The following LRRC2 variants were observed in gnomAD, a reference collection of about 807,000 sequenced individuals.
LRRC2 encodes leucine rich repeat containing 2, also known as leucine-rich repeat-containing protein 2.
Under a neutral mutation model 40.2 loss-of-function variants are expected in LRRC2, and 27 were observed. The observed-to-expected ratio is 0.67, with a 90% CI of 0.49 to 0.93. LRRC2 has a LOEUF of 0.93. LRRC2 is among the 40% of genes least tolerant of loss of function. The probability of loss-of-function intolerance (pLI) is 0.00; values close to 1 mark genes in which losing one functional copy is unlikely to be tolerated. For missense variants in LRRC2, 402 were observed against 439.6 expected, an observed-to-expected ratio of 0.91 and a Z score of 0.76; for synonymous variants, 147 against 158.9, an observed-to-expected ratio of 0.92 and a Z score of 0.56.
intron 5 of LRRC2, among the ~76,000 whole-genome samples, chr3:46,531,151 A>AT (rs11359778): frequency 2.2e-3 from 305 of 139,018 alleles, no homozygotes; most frequent in African/African-American, 3.4e-3. Flanking sequence ...TTATAGTTAG[A>AT]TTTTTTTTTT....
Position 46,519,006 on chromosome 3 carries a change from G to A in LRRC2, c.*8C>T, listed in dbSNP as rs1218702550. ...AGAATAGTGAGATTTGCAGTCTTCTGATGGATATCAAAGTTGAAGGCTAAA... is the reference window on the plus strand; with the variant it reads ...AGAATAGTGAGATTTGCAGTCTTCTAATGGATATCAAAGTTGAAGGCTAAA... On this transcript the variant is annotated 3_prime_UTR_variant, in exon 9 of 9. Coordinates refer to ENST00000395905, the MANE Select transcript of LRRC2 (RefSeq NM_024512.5). 1 of 1,578,530 alleles carries A rather than the reference G, an allele frequency of 6.3e-7. No individual in the cohort carries two copies. Among genetic ancestry groups the A allele is most frequent in the Non-Finnish European group, 8.7e-7 (1 of 1,147,934 alleles).
chr3:46,561,438 A>C (rs1429603226), intron 1 of LRRC2, among the ~76,000 whole-genome samples: 1 of 152,176 alleles, frequency 6.6e-6, no homozygotes, highest in Non-Finnish European at 1.5e-5. Context: ...CTGTGGTCCC[A>C]GCTACTAAGG....
chr3:46,563,818 G>T (rs1209580269), intron 1 of LRRC2, among the ~76,000 whole-genome samples: 1 of 152,138 alleles, frequency 6.6e-6, no homozygotes, highest in African/African-American at 2.4e-5. Context: ...GCATACGATG[G>T]GAACTGGTGG....
At chr3:46,553,187 A>AAG (rs1486888070) in intron 1 of LRRC2, among the ~76,000 whole-genome samples, 5 of 151,768 alleles carry the variant, frequency 3.3e-5, no homozygotes, top group African/African-American at 7.3e-5. Flanking sequence ...CATTGCAAAA[A>AAG]AAAAAAATTG....
Position 46,521,613 on chromosome 3 carries a change from T to G in LRRC2, c.975A>C (p.Glu325Asp). Residue 325 changes from glutamate (E) to aspartate (D), a missense_variant, in exon 8 of 9, where the codon GAA (glutamate) becomes GAC (aspartate). Transcript: ENST00000395905. ...CACTTTCCATTATTTCATTGCCATCTTCACATTGGGCATTATCAATAGGAT... is the reference window on the plus strand; with the variant it reads ...CACTTTCCATTATTTCATTGCCATCGTCACATTGGGCATTATCAATAGGAT... Reference protein sequence around the residue: ...MDNPIDNAQCEDGNEIMESER... With the variant: ...MDNPIDNAQCDDGNEIMESER... The G allele has an allele frequency of 6.2e-7, 1 of 1,613,150 alleles. No individual in the cohort carries two copies. The highest frequency in any genetic ancestry group is 8.5e-7 in the Non-Finnish European group (1 of 1,179,742).
chr3:46,548,406 A>G (rs1575357273), intron 2 of LRRC2, among the ~76,000 whole-genome samples: 1 of 152,194 alleles, frequency 6.6e-6, no homozygotes, highest in East Asian at 1.9e-4. Flanking sequence ...AATATAAACT[A>G]TTTTTTTAAT....
At chr3:46,521,327 G>C (rs971226069) in intron 8 of LRRC2, among the ~76,000 whole-genome samples, 195 bp downstream of exon 8, 21 of 152,230 alleles carry the variant, frequency 1.4e-4, no homozygotes, top group Admixed American at 1.4e-3. Flanking sequence ...GCATTCAAAT[G>C]GACTAGCACA....
rs765476982 is a variant in LRRC2, at chr3:46,521,664, C to A, written c.930-6G>T. The stretch of plus-strand genomic sequence containing the variant: ...TGTCCATAAGGCTTACAAATCTATT[C>A]GAGAAAGCATGGGAAGTATCACATT... On this transcript the variant is annotated splice_polypyrimidine_tract_variant and splice_region_variant and intron_variant, in intron 7 of 8. Coordinates refer to ENST00000395905, the MANE Select transcript of LRRC2 (RefSeq NM_024512.5). The A allele has an allele frequency of 3.7e-6, 6 of 1,604,880 alleles. No individual in the cohort carries two copies. In the South Asian group the frequency reaches 4.5e-5, roughly 12 times the overall value.
intron 4 of LRRC2, among the ~76,000 whole-genome samples, chr3:46,537,714 T>C (rs1704296136): frequency 6.6e-6 from 1 of 152,202 alleles, no homozygotes; most frequent in East Asian, 1.9e-4. Context: ...GAAACAGAAG[T>C]ACTTATCCTT....
In LRRC2 at chr3:46,549,354, G is replaced by A. The variant is rs115224090; in HGVS notation, c.125+2113C>T. Reference sequence around the variant, plus strand: ...ATGATCACAGTATGAATTATATTATGGAAGCTCAAAAACACCTGTAAAGAA... The same window carrying A: ...ATGATCACAGTATGAATTATATTATAGAAGCTCAAAAACACCTGTAAAGAA... On this transcript the variant is annotated intron_variant, in intron 2 of 8. Coordinates refer to ENST00000395905, the MANE Select transcript of LRRC2 (RefSeq NM_024512.5). Among the ~76,000 whole-genome samples, 649 of 152,190 alleles carry A rather than the reference G, an allele frequency of 4.3e-3. 10 individuals are homozygous for A. Among genetic ancestry groups the A allele is most frequent in the African/African-American group, 0.015 (612 of 41,534 alleles).
intron 2 of LRRC2, among the ~76,000 whole-genome samples, chr3:46,549,154 C>A (rs139338024): frequency 5.1e-4 from 78 of 152,272 alleles, no homozygotes; most frequent in East Asian, 5.0e-3. Context: ...GGATGAGATA[C>A]CCTAAAGTGA....
At chr3:46,532,742 G>A (rs1704183571) in intron 5 of LRRC2, 31 bp downstream of exon 5, 4 of 1,602,002 alleles carry the variant, frequency 2.5e-6, no homozygotes, top group Non-Finnish European at 2.6e-6. Flanking sequence ...AAATAAAAGT[G>A]AATCGTAGTA....
chr3:46,555,521 G>A (rs1704772200), intron 1 of LRRC2, among the ~76,000 whole-genome samples: 3 of 151,540 alleles, frequency 2.0e-5, no homozygotes, highest in Admixed American at 2.0e-4. Flanking sequence ...TCTTTGGGTA[G>A]TTTTTTTCTC....
At chr3:46,559,753 G>A (rs546059922) in intron 1 of LRRC2, 1 of 152,268 alleles carries the variant, frequency 6.6e-6, no homozygotes, top group East Asian at 1.9e-4. Flanking sequence ...CAAAGGCCCT[G>A]ACATATTTTT....
rs113859270 is a variant in LRRC2 at position 46,532,835 on chromosome 3, A to G, written c.565T>C (p.Cys189Arg). ...LKSIPPELGDCENLERLDCSG... is the reference protein window; with the variant it reads ...LKSIPPELGDRENLERLDCSG... ...CAATCCAGTCTCTCTAGATTTTCAC[A>G]ATCTCCCAATTCTGGAGGAATGCTC... Residue 189 changes from cysteine to arginine, a missense_variant, in exon 5 of 9, where the codon TGT becomes CGT. Coordinates refer to ENST00000395905, the MANE Select transcript of LRRC2 (RefSeq NM_024512.5). 1 of 1,614,044 alleles carries G rather than the reference A, an allele frequency of 6.2e-7. No individual in the cohort carries two copies. Among genetic ancestry groups the G allele is most frequent in the Non-Finnish European group, 8.5e-7 (1 of 1,179,938 alleles).
intron 3 of LRRC2, among the ~76,000 whole-genome samples, chr3:46,543,844 C>T (rs1704460118): frequency 6.6e-6 from 1 of 151,948 alleles, no homozygotes; most frequent in South Asian, 2.1e-4. Context: ...CAGCCCGTTA[C>T]CTACTGATCT....
At chr3:46,551,206 G>A (rs1239077750) in intron 2 of LRRC2, 3 of 270,506 alleles carry the variant, frequency 1.1e-5, no homozygotes, top group Non-Finnish European at 2.1e-5. Flanking sequence ...TTTACTGTGG[G>A]GGGATTTATC....
chr3:46,517,830 T>C lies in LRRC2; in HGVS notation c.*1184A>G, dbSNP rs1280491712. The C allele has an allele frequency of 6.6e-6, 1 of 152,284 alleles. No homozygotes were observed. Among genetic ancestry groups the C allele is most frequent in the African/African-American group, 2.4e-5 (1 of 41,470 alleles). The allele number at this position is 152,284 out of a possible 1,614,324, so 9.4% of individuals were successfully genotyped here. ...ATTCAAACAGCCCATGGGCTCCCTC[T>C]GGACTGAAGCATCTTTGCTATGGGC... On this transcript the variant is annotated 3_prime_UTR_variant, in exon 9 of 9. Coordinates refer to ENST00000395905, the MANE Select transcript of LRRC2 (RefSeq NM_024512.5).
rs1346614481 is a variant in LRRC2, at chr3:46,532,767, T to C, written c.627+6A>G. The C allele has an allele frequency of 6.2e-7, 1 of 1,612,268 alleles. No homozygotes were observed. Reference sequence around the variant, plus strand: ...GAATCGTAGTACAGAAATGTTTATCTCTTACTTCAAAGGGCAGCTCCATTA... The same window carrying C: ...GAATCGTAGTACAGAAATGTTTATCCCTTACTTCAAAGGGCAGCTCCATTA... On this transcript the variant is annotated splice_donor_region_variant and intron_variant, in intron 5 of 8. Coordinates refer to ENST00000395905, the MANE Select transcript of LRRC2 (RefSeq NM_024512.5).
Sources: gnomAD v4.1 joint callset for allele counts (sites outside exome capture counted in the v4.1 genomes callset) on GRCh38, gnomAD v4.1.1 for gene constraint, MANE v1.5 for transcripts, NCBI Gene and HGNC (gene_info 2026-07-23, HGNC 2026-07-21) for gene names.